The following LSAMP variants were observed in gnomAD, a reference collection of about 807,000 sequenced individuals.
The protein encoded by LSAMP is limbic system associated membrane protein.
In LSAMP, 7 loss-of-function variants were observed where a neutral mutation model predicts 38.6. That is an observed-to-expected ratio of 0.18 (90% CI 0.10 to 0.34). The LOEUF (loss-of-function observed/expected upper bound fraction) is 0.34. LSAMP is among the 10% of genes least tolerant of loss of function. The pLI is 1.00. For missense variants in LSAMP, 313 were observed against 420.0 expected, an observed-to-expected ratio of 0.75 and a Z score of 2.23; for synonymous variants, 154 against 166.8, an observed-to-expected ratio of 0.92 and a Z score of 0.59.
At chr3:116,084,761 GT>G (rs1030184121) in intron 2 of LSAMP, among the ~76,000 whole-genome samples, 14 of 151,858 alleles carry the variant, frequency 9.2e-5, no homozygotes, top group Admixed American at 7.2e-4. Context: ...TAATCAATCA[GT>G]TTTTTTCAAG....
intron 1 of LSAMP, among the ~76,000 whole-genome samples, chr3:116,267,620 A>AAC (rs1254959084): frequency 6.6e-6 from 1 of 151,318 alleles, no homozygotes; most frequent in African/African-American, 2.4e-5. Context: ...GCAAAAAAAA[A>AAC]AAAAAAACTG....
chr3:115,989,824 T>C (rs1224712472), intron 3 of LSAMP, among the ~76,000 whole-genome samples: 2 of 152,044 alleles, frequency 1.3e-5, no homozygotes, highest in African/African-American at 2.4e-5. Flanking sequence ...TTATTAATGA[T>C]AAATGACTTA....
chr3:116,326,523 G>A (rs531868670), intron 1 of LSAMP, among the ~76,000 whole-genome samples: 1 of 152,204 alleles, frequency 6.6e-6, no homozygotes, highest in South Asian at 2.1e-4. Context: ...AGGTGGGTCA[G>A]GGATAGGGAG....
chr3:116,339,121 C>T (rs1452421018), intron 1 of LSAMP, among the ~76,000 whole-genome samples: 1 of 151,904 alleles, frequency 6.6e-6, no homozygotes, highest in Non-Finnish European at 1.5e-5. Context: ...TGACAGGGTG[C>T]ATTAAAAGCA....
chr3:115,960,889 T>C (rs182913047), intron 3 of LSAMP, among the ~76,000 whole-genome samples: 63 of 152,298 alleles, frequency 4.1e-4, no homozygotes, highest in African/African-American at 1.5e-3. Flanking sequence ...ATGAAACAGC[T>C]ATCAAAGAAA....
intron 3 of LSAMP, among the ~76,000 whole-genome samples, chr3:115,955,936 C>T (rs981360679): frequency 7.2e-5 from 11 of 152,070 alleles, no homozygotes; most frequent in Non-Finnish European, 1.3e-4. Flanking sequence ...CCTCATTAGG[C>T]CAGCATCAGG....
intron 3 of LSAMP, among the ~76,000 whole-genome samples, chr3:115,853,506 G>GAAAC: frequency 6.6e-6 from 1 of 152,310 alleles, no homozygotes; most frequent in African/African-American, 2.4e-5. Context: ...CTCAACTTAA[G>GAAAC]AAACCTTGTT....
chr3:116,188,736 A>G (rs1542482), intron 1 of LSAMP, among the ~76,000 whole-genome samples: 5,429 of 152,264 alleles, frequency 0.036, 112 homozygotes, highest in Middle Eastern at 0.054. Context: ...AGCTTCTACT[A>G]TATTGCGGGA....
intron 1 of LSAMP, among the ~76,000 whole-genome samples, chr3:116,174,150 T>C (rs2107558233): frequency 6.6e-6 from 1 of 152,150 alleles, no homozygotes. Context: ...CTATAGCTTA[T>C]AGCTGCAGTA....
chr3:116,256,521 C>T (rs550520944), intron 1 of LSAMP, among the ~76,000 whole-genome samples: 1 of 152,266 alleles, frequency 6.6e-6, no homozygotes, highest in South Asian at 2.1e-4. Context: ...AGTAATAAAA[C>T]AGTCCATTGA....
intron 1 of LSAMP, among the ~76,000 whole-genome samples, chr3:116,107,466 G>C (rs897581402): frequency 6.6e-6 from 1 of 152,212 alleles, no homozygotes; most frequent in Admixed American, 6.5e-5. Flanking sequence ...AAAGGCTACA[G>C]GGTGCGGTCC....
intron 1 of LSAMP, among the ~76,000 whole-genome samples, chr3:116,201,050 C>T (rs2045981405): frequency 6.6e-6 from 1 of 152,172 alleles, no homozygotes; most frequent in South Asian, 2.1e-4. Flanking sequence ...CTTAGCCAAC[C>T]CTGTGCAGTT....
At chr3:116,312,882 A>T (rs912594330) in intron 1 of LSAMP, among the ~76,000 whole-genome samples, 1 of 152,124 alleles carries the variant, frequency 6.6e-6, no homozygotes, top group African/African-American at 2.4e-5. Flanking sequence ...TCATCTGTAG[A>T]CACATATCTT....
chr3:116,154,633 T>C (rs550839227), intron 1 of LSAMP, among the ~76,000 whole-genome samples: 1 of 152,258 alleles, frequency 6.6e-6, no homozygotes, highest in East Asian at 1.9e-4. Context: ...TCAGCTCCAC[T>C]GGGCTCTTTT....
chr3:116,344,825 T>C (rs1465033634), intron 1 of LSAMP, among the ~76,000 whole-genome samples: 1 of 152,160 alleles, frequency 6.6e-6, no homozygotes, highest in Non-Finnish European at 1.5e-5. Flanking sequence ...AAAGCCAAGT[T>C]TGACTAACTC....
chr3:115,818,790 T>TTATATACATATA (rs1467152356), intron 6 of LSAMP, among the ~76,000 whole-genome samples: 3 of 69,786 alleles, frequency 4.3e-5, no homozygotes, highest in African/African-American at 1.3e-4. Flanking sequence ...AGTTGTACTT[T>TTATATACATATA]TATATATATA....
intron 1 of LSAMP, among the ~76,000 whole-genome samples, chr3:116,121,160 A>C (rs567678713): frequency 5.3e-5 from 8 of 152,188 alleles, no homozygotes; most frequent in Admixed American, 3.3e-4. Context: ...AGAACTTTCT[A>C]CCTAATAATA....
chr3:116,131,895 T>A (rs1199558879), intron 1 of LSAMP, among the ~76,000 whole-genome samples: 2 of 151,770 alleles, frequency 1.3e-5, no homozygotes, highest in African/African-American at 4.8e-5. Context: ...TGGTGCGATG[T>A]CAGCTTACTG....
At chr3:115,827,244 C>G (rs560652707) in intron 6 of LSAMP, among the ~76,000 whole-genome samples, 1 of 152,018 alleles carries the variant, frequency 6.6e-6, no homozygotes, top group Admixed American at 6.5e-5. Flanking sequence ...CAACATAAAA[C>G]ATGGCTGGGA....
Sources: allele counts gnomAD v4.1 joint callset (sites outside exome capture counted in the v4.1 genomes callset), GRCh38; gene constraint gnomAD v4.1.1; transcripts MANE v1.5; gene names NCBI Gene and HGNC (gene_info 2026-07-23, HGNC 2026-07-21).